Variants in LCN6 observed in about 807,000 individuals in gnomAD.
LCN6 encodes the protein epididymal-specific lipocalin-6.
In LCN6, 20 loss-of-function variants were observed where a neutral mutation model predicts 21.4. The ratio of observed to expected loss-of-function variants is 0.93; its 90% CI spans 0.66 to 1.36. The LOEUF (loss-of-function observed/expected upper bound fraction) is 1.36, where lower values mean the gene tolerates loss of function less well. LCN6 is among the 40% of genes most tolerant of loss of function. The pLI, the probability that LCN6 is intolerant of heterozygous loss-of-function variation, is 0.00. For missense variants in LCN6, 217 were observed against 206.6 expected (o/e 1.05, Z -0.31); for synonymous variants, 96 against 89.0 (o/e 1.08, Z -0.44).
At position 136,744,589 on chromosome 9, in the gene LCN6, C is replaced by T. The variant is rs74950015; in HGVS notation, c.*22+51G>A. 4.4e-3 allele frequency: 5,222 copies of T among 1,193,782 alleles called. 181 individuals are homozygous for T. The African/African-American group carries it at 0.068, about 16-fold the overall frequency. 73.9% of individuals were successfully genotyped at this position (1,193,782 alleles called of 1,614,324 possible). ...CTGTCACCCCATCACGCCCTGTGGG[C>T]TCCAGAACTTGCCCCAAGCCTCCCC... On this transcript the variant is annotated intron_variant, in intron 5 of 6. Transcript: ENST00000341206. The surrounding 1 kb of genome is among the most constrained non-coding windows in gnomAD (Gnocchi z 4.2).
intron 1 of LCN6, 28 bp from the exon 2 acceptor site, chr9:136,747,591 C>T (rs768583430): frequency 3.4e-5 from 55 of 1,601,670 alleles, no homozygotes; most frequent in South Asian, 9.9e-5. Flanking sequence ...CCGTTAGGGC[C>T]GCCAGCCCTC....
rs1847030680 is a variant in LCN6, at chr9:136,745,906, C to T, written c.239G>A (p.Gly80Glu). 1 of 1,613,714 alleles carries T rather than the reference C, an allele frequency of 6.2e-7. No individual in the cohort carries two copies. The highest frequency in any genetic ancestry group is 8.5e-7 in the Non-Finnish European group (1 of 1,179,920). The stretch of plus-strand genomic sequence containing the variant: ...CAGGTCCATGACACTCTGGTCACAC[C>T]CTCCCAGCCTGGAAAAGAAGGGGCC... The part of the protein sequence containing the change: ...RTLSSQHGLG[G>E]CDQSVMDLIK... Residue 80 changes from glycine (G) to glutamate (E), a missense_variant, in exon 3 of 7, where the codon GGG (glycine) becomes GAG (glutamate). By Grantham distance (98) the Gly-to-Glu change is moderately conservative. Transcript: ENST00000341206.
chr9:136,746,951 G>T (rs940608045), intron 2 of LCN6: 1 of 153,374 alleles, frequency 6.5e-6, no homozygotes, highest in African/African-American at 2.4e-5. Flanking sequence ...GCATGTGGTC[G>T]GGTGCGCCTG....
rs1847021275 is a variant in LCN6 at position 136,745,206 on chromosome 9, A to G, written c.376T>C (p.Phe126Leu). 8.7e-6 allele frequency: 14 copies of G among 1,613,508 alleles called. No individual in the cohort carries two copies. The highest frequency in any genetic ancestry group is 1.2e-5 in the Non-Finnish European group (14 of 1,179,820). ...DYAIIFTQLE[F>L]GDEPFNTVEL... Reference sequence around the variant, plus strand: ...ACGGTGTTGAAGGGCTCGTCCCCGAACTCCAGCTGAGTGAAGATGATGGCA... The same window carrying G: ...ACGGTGTTGAAGGGCTCGTCCCCGAGCTCCAGCTGAGTGAAGATGATGGCA... Residue 126 changes from phenylalanine to leucine, a missense_variant, in exon 4 of 7, where the codon TTC becomes CTC. By Grantham distance (22) the Phe-to-Leu change is conservative. Coordinates refer to ENST00000341206, the MANE Select transcript of LCN6 (RefSeq NM_198946.3).
In LCN6 at chr9:136,744,106, C is replaced by A. The variant is rs1846999823; in HGVS notation, c.*85G>T. ...TGGACACTGGCCGAGGTCACAGGAC[C>A]CTGTGGGCGCCATCCCTACTGGGGA... On this transcript the variant is annotated 3_prime_UTR_variant, in exon 7 of 7. Coordinates refer to ENST00000341206, the MANE Select transcript of LCN6 (RefSeq NM_198946.3). This position sits in a 1 kb window ranked among gnomAD's most constrained non-coding sequence, Gnocchi z 4.2. 1.3e-5 allele frequency: 2 copies of A among 152,528 alleles called. No homozygotes were observed. Among genetic ancestry groups the A allele is most frequent in the Non-Finnish European group, 2.9e-5 (2 of 68,308 alleles). 9.4% of individuals were successfully genotyped at this position (152,528 alleles called of 1,614,324 possible).
At chr9:136,747,206 G>A (rs1471430861) in intron 2 of LCN6, among the ~76,000 whole-genome samples, 2 of 152,176 alleles carry the variant, frequency 1.3e-5, no homozygotes, top group South Asian at 2.1e-4. Context: ...GGTATTGAAG[G>A]TGGGAGTGCC....
rs1564325893 is a variant in LCN6 at position 136,744,906 on chromosome 9, G to T, written c.413-165C>A. On this transcript the variant is annotated intron_variant, in intron 4 of 6. Transcript: ENST00000341206. This position sits in a 1 kb window ranked among gnomAD's most constrained non-coding sequence, Gnocchi z 4.2. Reference sequence around the variant, plus strand: ...GCGAGCCTCAAGGTGGGGGAACTTGGCCTGCATGTGGTCCTGTGCGGCCCA... The same window carrying T: ...GCGAGCCTCAAGGTGGGGGAACTTGTCCTGCATGTGGTCCTGTGCGGCCCA... Among the ~76,000 whole-genome samples, 2 of 151,996 alleles carry T rather than the reference G, an allele frequency of 1.3e-5. No individual in the cohort carries two copies. Among genetic ancestry groups the T allele is most frequent in the Admixed American group, 1.3e-4 (2 of 15,268 alleles).
rs1366699316 is a variant in LCN6 at position 136,744,112 on chromosome 9, G to A, written c.*79C>T. On this transcript the variant is annotated 3_prime_UTR_variant, in exon 7 of 7. Transcript: ENST00000341206. The surrounding 1 kb of genome is among the most constrained non-coding windows in gnomAD (Gnocchi z 4.2). ...CTGGCCGAGGTCACAGGACCCTGTGGGCGCCATCCCTACTGGGGACGCAGC... is the reference window on the plus strand; with the variant it reads ...CTGGCCGAGGTCACAGGACCCTGTGAGCGCCATCCCTACTGGGGACGCAGC... 1 of 152,582 alleles carries A rather than the reference G, an allele frequency of 6.6e-6. No individual in the cohort carries two copies. Among genetic ancestry groups the A allele is most frequent in the African/African-American group, 2.4e-5 (1 of 41,462 alleles). The allele number at this position is 152,582 out of a possible 1,614,324, so 9.5% of individuals were successfully genotyped here. A position where few individuals can be genotyped will look rare whatever the true frequency, so the allele number is the denominator to read the frequency against.
chr9:136,745,032 G>A lies in LCN6; in HGVS notation c.412+138C>T, dbSNP rs1847016949. On this transcript the variant is annotated intron_variant, in intron 4 of 6. Transcript: ENST00000341206. ...CACTCACCACACAGCTCCCCACATGGCCCCCGAGCGGCCCACTCACCACAC... is the reference window on the plus strand; with the variant it reads ...CACTCACCACACAGCTCCCCACATGACCCCCGAGCGGCCCACTCACCACAC... 5 of 810,886 alleles carry A rather than the reference G, an allele frequency of 6.2e-6. No homozygotes were observed. In the South Asian group the frequency reaches 7.3e-5, roughly 12 times the overall value. The allele number at this position is 810,886 out of a possible 1,614,324, so 50.2% of individuals were successfully genotyped here. A position where few individuals can be genotyped will look rare whatever the true frequency, so the allele number is the denominator to read the frequency against.
chr9:136,746,022 GCTTCCAT>G (rs1847032372), intron 2 of LCN6, 108 bp from the exon 3 acceptor site: 6 of 926,290 alleles, frequency 6.5e-6, no homozygotes, highest in Non-Finnish European at 1.0e-5. Context: ...TGAGGCCAGA[GCTTCCAT>G]CTTCTGCCAG....
Position 136,744,881 on chromosome 9 carries a change from G to T in LCN6, c.413-140C>A. The stretch of plus-strand genomic sequence containing the variant: ...TCCTTCCAAAGCCACCTCCAGTGCA[G>T]CGAGCCTCAAGGTGGGGGAACTTGG... On this transcript the variant is annotated intron_variant, in intron 4 of 6. Coordinates refer to ENST00000341206, the MANE Select transcript of LCN6 (RefSeq NM_198946.3). The surrounding 1 kb of genome is among the most constrained non-coding windows in gnomAD (Gnocchi z 4.2). 2 of 686,074 alleles carry T rather than the reference G, an allele frequency of 2.9e-6. No homozygotes were observed. Among genetic ancestry groups the T allele is most frequent in the Non-Finnish European group, 5.1e-6 (2 of 394,320 alleles). 42.5% of individuals were successfully genotyped at this position (686,074 alleles called of 1,614,324 possible).
chr9:136,747,014 G>A (rs895015384), intron 2 of LCN6: 1 of 164,264 alleles, frequency 6.1e-6, no homozygotes, highest in African/African-American at 2.4e-5. Context: ...ATATTGTTTG[G>A]GGATTTATGT....
Position 136,744,643 on chromosome 9 carries a change from C to A in LCN6, c.*19G>T. 1 of 1,595,770 alleles carries A rather than the reference C, an allele frequency of 6.3e-7. No individual in the cohort carries two copies. ...GGCTGCTCCGGTGGACACTCACGGTCCTTCTGCAGCTGGGCCTGCTACTGT... is the reference window on the plus strand; with the variant it reads ...GGCTGCTCCGGTGGACACTCACGGTACTTCTGCAGCTGGGCCTGCTACTGT... On this transcript the variant is annotated 3_prime_UTR_variant, in exon 5 of 7. Coordinates refer to ENST00000341206, the MANE Select transcript of LCN6 (RefSeq NM_198946.3). This position sits in a 1 kb window ranked among gnomAD's most constrained non-coding sequence, Gnocchi z 4.2.
intron 2 of LCN6, among the ~76,000 whole-genome samples, chr9:136,746,380 G>A (rs1847038878): frequency 6.9e-6 from 1 of 145,348 alleles, no homozygotes; most frequent in Non-Finnish European, 1.5e-5. Flanking sequence ...GCGACTCAGG[G>A]GAAGGATGGG....
chr9:136,744,593 A>C lies in LCN6; in HGVS notation c.*22+47T>G, dbSNP rs1847007619. ...CACCCCATCACGCCCTGTGGGCTCC[A>C]GAACTTGCCCCAAGCCTCCCCCGAG... On this transcript the variant is annotated intron_variant, in intron 5 of 6. Coordinates refer to ENST00000341206, the MANE Select transcript of LCN6 (RefSeq NM_198946.3). The surrounding 1 kb of genome is among the most constrained non-coding windows in gnomAD (Gnocchi z 4.2). 3 of 1,262,844 alleles carry C rather than the reference A, an allele frequency of 2.4e-6. No individual in the cohort carries two copies. The highest frequency in any genetic ancestry group is 3.4e-6 in the Non-Finnish European group (3 of 880,836). The allele number at this position is 1,262,844 out of a possible 1,614,324, so 78.2% of individuals were successfully genotyped here. A position where few individuals can be genotyped will look rare whatever the true frequency, so the allele number is the denominator to read the frequency against.
In LCN6 at chr9:136,744,414, A is replaced by G. The variant is rs1588300145; in HGVS notation, c.*23-50T>C. The G allele has an allele frequency of 2.1e-6, 1 of 471,414 alleles. No individual in the cohort carries two copies. The highest frequency in any genetic ancestry group is 1.9e-5 in the African/African-American group (1 of 51,906). 29.2% of individuals were successfully genotyped at this position (471,414 alleles called of 1,614,324 possible). A position where few individuals can be genotyped will look rare whatever the true frequency, so the allele number is the denominator to read the frequency against. On this transcript the variant is annotated intron_variant, in intron 5 of 6. Transcript: ENST00000341206. The surrounding 1 kb of genome is among the most constrained non-coding windows in gnomAD (Gnocchi z 4.2). ...GTGAAAAAGGACTGAGCCCCCCAGC[A>G]CCCCAGGGCCCCACCCACAAGACTC...
rs780401755 is a variant in LCN6 at position 136,748,499 on chromosome 9, C to G, written c.-16G>C. ...GGCCGCCCATCCTCCCAGGTCTACA[C>G]TGCGCCGCAGGCCCAGGATGTGCAG... On this transcript the variant is annotated 5_prime_UTR_variant, in exon 1 of 7. Transcript: ENST00000341206. 1.2e-6 allele frequency: 2 copies of G among 1,611,120 alleles called. No homozygotes were observed. The highest frequency in any genetic ancestry group is 1.3e-5 in the African/African-American group (1 of 74,864).
In LCN6 at chr9:136,744,603, C is replaced by T. The variant is rs1403207637; in HGVS notation, c.*22+37G>A. ...CGCCCTGTGGGCTCCAGAACTTGCC[C>T]CAAGCCTCCCCCGAGGCTGCTCCGG... On this transcript the variant is annotated intron_variant, in intron 5 of 6. Coordinates refer to ENST00000341206, the MANE Select transcript of LCN6 (RefSeq NM_198946.3). The surrounding 1 kb of genome is among the most constrained non-coding windows in gnomAD (Gnocchi z 4.2). The T allele has an allele frequency of 1.7e-5, 24 of 1,405,474 alleles. No homozygotes were observed. The highest frequency in any genetic ancestry group is 2.3e-5 in the Non-Finnish European group (23 of 1,007,264). 87.1% of individuals were successfully genotyped at this position (1,405,474 alleles called of 1,614,324 possible).
chr9:136,745,140 C>G (rs745892988), intron 4 of LCN6, 30 bp downstream of exon 4: 6 of 1,318,214 alleles, frequency 4.6e-6, no homozygotes, highest in Non-Finnish European at 6.6e-6. Context: ...CCACACAGCT[C>G]CCTACGTGGG....
Sources: allele counts gnomAD v4.1 joint callset (sites outside exome capture counted in the v4.1 genomes callset), GRCh38; gene constraint gnomAD v4.1.1; non-coding constraint Gnocchi (gnomAD v3.1); transcripts MANE v1.5; gene names NCBI Gene and HGNC (gene_info 2026-07-23, HGNC 2026-07-21).